The following URM1 variants were observed in gnomAD, a reference collection of about 807,000 sequenced individuals.
URM1 encodes ubiquitin-related modifier 1.
A neutral mutation model predicts 17.7 loss-of-function variants in URM1; 11 were observed. The ratio of observed to expected loss-of-function variants is 0.62; its 90% CI spans 0.39 to 1.03. The LOEUF (loss-of-function observed/expected upper bound fraction) is 1.03. Ranked by LOEUF, URM1 falls within the 50% of genes least tolerant of loss-of-function variation. The pLI is 0.00. For missense variants in URM1, 128 were observed against 129.2 expected (o/e 0.99, Z 0.04); for synonymous variants, 48 against 50.6 (o/e 0.95, Z 0.22).
intron 1 of URM1, among the ~76,000 whole-genome samples, chr9:128,373,551 TGTCAGTGACCAC>T (rs1216405132): frequency 1.3e-5 from 2 of 152,188 alleles, no homozygotes; most frequent in East Asian, 3.8e-4. Context: ...CCTTCCTTCT[TGTCAGTGACCAC>T]GTCTGCCACC....
intron 3 of URM1, 96 bp from the exon 4 acceptor site, chr9:128,389,165 A>G: frequency 2.0e-6 from 3 of 1,506,300 alleles, no homozygotes; most frequent in Non-Finnish European, 2.7e-6. Flanking sequence ...GCTCCTCAGC[A>G]CACTCTCCTG....
At position 128,387,412 on chromosome 9, in the gene URM1, G is replaced by A. The variant is rs1442591399; in HGVS notation, c.107-404G>A. ...ATCTGCGACTGGCTGGAGAGATAAA[G>A]GTGGAGGGGGCTCTTCAAGGTCCTC... On this transcript the variant is annotated intron_variant, in intron 2 of 4. Transcript: ENST00000372853. The surrounding 1 kb of genome is among the most constrained non-coding windows in gnomAD (Gnocchi z 4.3). Among the ~76,000 whole-genome samples the A allele has an allele frequency of 1.3e-5, 2 of 152,244 alleles. No individual in the cohort carries two copies. The highest frequency in any genetic ancestry group is 1.3e-4 in the Admixed American group (2 of 15,286).
rs1010804190 is a variant in URM1, at chr9:128,390,111, C to T, written c.*377C>T. 2.2e-5 allele frequency: 6 copies of T among 270,050 alleles called. No individual in the cohort carries two copies. The highest frequency in any genetic ancestry group is 6.0e-5 in the South Asian group (1 of 16,642). 16.7% of individuals were successfully genotyped at this position (270,050 alleles called of 1,614,324 possible). A position where few individuals can be genotyped will look rare whatever the true frequency, so the allele number is the denominator to read the frequency against. ...CAAGGCGCTCCAGCCCCAGAGCCAG[C>T]GTCTTCATGGGGAAGATGAATGGAC... On this transcript the variant is annotated 3_prime_UTR_variant, in exon 5 of 5. Coordinates refer to ENST00000372853, the MANE Select transcript of URM1 (RefSeq NM_030914.4).
At chr9:128,371,566 G>T in intron 1 of URM1, 151 bp downstream of exon 1, 1 of 755,702 alleles carries the variant, frequency 1.3e-6, no homozygotes, top group Non-Finnish European at 2.1e-6. Context: ...GAGTCTGAGA[G>T]GCCAGTCTCT....
intron 1 of URM1, among the ~76,000 whole-genome samples, chr9:128,375,704 C>T (rs776251220): frequency 1.3e-5 from 2 of 151,948 alleles, no homozygotes; most frequent in Admixed American, 1.3e-4. Context: ...GGACTACAGG[C>T]GCACACCACC....
intron 2 of URM1, among the ~76,000 whole-genome samples, chr9:128,384,776 T>C (rs1467093820): frequency 6.6e-6 from 1 of 151,974 alleles, no homozygotes; most frequent in African/African-American, 2.4e-5. Context: ...AACATCCCCA[T>C]TTTACAAAAA....
intron 2 of URM1, among the ~76,000 whole-genome samples, chr9:128,378,331 G>A (rs1212248732): frequency 6.6e-6 from 1 of 152,080 alleles, no homozygotes; most frequent in Admixed American, 6.6e-5. Context: ...AAGGTCAGGA[G>A]TTCGAGACCA....
intron 1 of URM1, among the ~76,000 whole-genome samples, chr9:128,375,274 T>C (rs983384659): frequency 6.6e-6 from 1 of 152,152 alleles, no homozygotes; most frequent in African/African-American, 2.4e-5. Context: ...CACTGTGATG[T>C]ACCCACCAGG....
At chr9:128,378,714 G>A (rs1029403125) in intron 2 of URM1, among the ~76,000 whole-genome samples, 20 of 151,984 alleles carry the variant, frequency 1.3e-4, no homozygotes, top group Admixed American at 1.2e-3. Flanking sequence ...CAGCACTTTG[G>A]GGGGCCGAGG....
chr9:128,389,844 GCT>G lies in URM1; in HGVS notation c.*113_*114del. ...GTCCCCCTTGCCTGCCTTCTTCCCT[GCT>G]CTGTCCCCTAAGCTCCCTCCAGGCA... On this transcript the variant is annotated 3_prime_UTR_variant, in exon 5 of 5. Coordinates refer to ENST00000372853, the MANE Select transcript of URM1 (RefSeq NM_030914.4). The G allele has an allele frequency of 9.6e-6, 14 of 1,454,526 alleles. No individual in the cohort carries two copies. The highest frequency in any genetic ancestry group is 1.3e-5 in the Non-Finnish European group (14 of 1,069,602). The allele number at this position is 1,454,526 out of a possible 1,614,324, so 90.1% of individuals were successfully genotyped here.
At chr9:128,379,889 G>A (rs551420342) in intron 2 of URM1, among the ~76,000 whole-genome samples, 1 of 152,286 alleles carries the variant, frequency 6.6e-6, no homozygotes, top group Admixed American at 6.5e-5. Flanking sequence ...GAGGTAGGAG[G>A]ATTACCTGAG....
intron 1 of URM1, among the ~76,000 whole-genome samples, chr9:128,372,880 C>A (rs1042077273): frequency 2.6e-5 from 4 of 151,800 alleles, no homozygotes; most frequent in African/African-American, 9.7e-5. Flanking sequence ...TCGAGACCAG[C>A]CTTGGCAACA....
chr9:128,388,074 G>A lies in URM1; in HGVS notation c.188+177G>A, dbSNP rs921804243. The A allele has an allele frequency of 4.5e-6, 6 of 1,346,766 alleles. No individual in the cohort carries two copies. The African/African-American group carries it at 8.9e-5, about 20-fold the overall frequency. The allele number at this position is 1,346,766 out of a possible 1,614,324, so 83.4% of individuals were successfully genotyped here. On this transcript the variant is annotated intron_variant, in intron 3 of 4. Coordinates refer to ENST00000372853, the MANE Select transcript of URM1 (RefSeq NM_030914.4). Reference sequence around the variant, plus strand: ...CTTGTTACTAAACCGAACTCTTGAGGATTTTTTAAATCCCAGATGAAAGGA... The same window carrying A: ...CTTGTTACTAAACCGAACTCTTGAGAATTTTTTAAATCCCAGATGAAAGGA...
At position 128,387,702 on chromosome 9, in the gene URM1, T is replaced by C; in HGVS notation, c.107-114T>C. Reference sequence around the variant, plus strand: ...GTTCATGGGCTATCACAGCCTGGTCTAAAAGAAGCCCTCTAAACACCGTGT... The same window carrying C: ...GTTCATGGGCTATCACAGCCTGGTCCAAAAGAAGCCCTCTAAACACCGTGT... On this transcript the variant is annotated intron_variant, in intron 2 of 4. Transcript: ENST00000372853. This position sits in a 1 kb window ranked among gnomAD's most constrained non-coding sequence, Gnocchi z 4.3. 1 of 1,540,768 alleles carries C rather than the reference T, an allele frequency of 6.5e-7. No homozygotes were observed.
chr9:128,384,781 C>CA (rs1212915342), intron 2 of URM1, among the ~76,000 whole-genome samples: 4 of 151,856 alleles, frequency 2.6e-5, no homozygotes, highest in African/African-American at 9.7e-5. Context: ...CCCCATTTTA[C>CA]AAAAAAAGGA....
chr9:128,389,240 T>G (rs1244806386), intron 3 of URM1, 21 bp from the exon 4 acceptor site: 1 of 1,583,542 alleles, frequency 6.3e-7, no homozygotes, highest in South Asian at 1.2e-5. Context: ...TCCTTGCTAC[T>G]CACCACCATC....
intron 2 of URM1, among the ~76,000 whole-genome samples, chr9:128,386,589 G>A (rs1047950038): frequency 4.6e-5 from 7 of 152,236 alleles, no homozygotes. Flanking sequence ...GGGGGCACGC[G>A]TGCCAGCCAG....
intron 2 of URM1, among the ~76,000 whole-genome samples, chr9:128,378,967 A>T (rs1486859956): frequency 6.7e-6 from 1 of 149,864 alleles, no homozygotes; most frequent in Non-Finnish European, 1.5e-5. Flanking sequence ...AAAAAAAAAA[A>T]GAATGAACTT....
At chr9:128,372,027 G>T (rs549156605) in intron 1 of URM1, among the ~76,000 whole-genome samples, 20 of 152,242 alleles carry the variant, frequency 1.3e-4, no homozygotes, top group African/African-American at 4.6e-4. Context: ...AACTAACAGG[G>T]ACAGTATAGT....
Sources: gnomAD v4.1 joint callset for allele counts (sites outside exome capture counted in the v4.1 genomes callset) on GRCh38, gnomAD v4.1.1 for gene constraint, Gnocchi (gnomAD v3.1) non-coding constraint, MANE v1.5 for transcripts, NCBI Gene and HGNC (gene_info 2026-07-23, HGNC 2026-07-21) for gene names.